The following ZDHHC11B variants were observed in gnomAD, a reference collection of about 807,000 sequenced individuals.
ZDHHC11B encodes the protein probable palmitoyltransferase ZDHHC11B.
Under a neutral mutation model 42.3 loss-of-function variants are expected in ZDHHC11B, and 17 were observed. The ratio of observed to expected loss-of-function variants is 0.40; its 90% CI spans 0.27 to 0.60. ZDHHC11B has a LOEUF of 0.60. Ranked by LOEUF, ZDHHC11B falls within the 20% of genes least tolerant of loss-of-function variation. The pLI is 0.41. For missense variants in ZDHHC11B, 262 were observed against 463.2 expected (o/e 0.57, Z 3.99); for synonymous variants, 123 against 193.5 (o/e 0.64, Z 3.02).
chr5:754,577 T>C (rs868112803), intron 6 of ZDHHC11B, among the ~76,000 whole-genome samples: 659 of 89,240 alleles, frequency 7.4e-3, no homozygotes, highest in African/African-American at 9.2e-3. Flanking sequence ...ACACCTCTCA[T>C]CTGTGAGCCT....
At chr5:712,742 T>C (rs1221033347) in intron 13 of ZDHHC11B, among the ~76,000 whole-genome samples, 2 of 151,514 alleles carry the variant, frequency 1.3e-5, no homozygotes, top group Non-Finnish European at 2.9e-5. Context: ...ACCCCGTCTC[T>C]ACTAAAAATA....
intron 1 of ZDHHC11B, among the ~76,000 whole-genome samples, chr5:776,523 C>G (rs1208958818): frequency 6.6e-6 from 1 of 151,864 alleles, no homozygotes; most frequent in Non-Finnish European, 1.5e-5. Context: ...GCTGGGCCCA[C>G]GCAGTGTGCT....
intron 4 of ZDHHC11B, among the ~76,000 whole-genome samples, chr5:762,047 C>G (rs1734696540): frequency 6.6e-6 from 1 of 150,670 alleles, no homozygotes. Context: ...ACTCACAGCC[C>G]TGGATGCCCA....
At chr5:724,707 T>C (rs1742444414) in intron 12 of ZDHHC11B, among the ~76,000 whole-genome samples, 1 of 151,016 alleles carries the variant, frequency 6.6e-6, no homozygotes, top group Non-Finnish European at 1.5e-5. Context: ...AGATGCATAC[T>C]ATTTATTCCC....
At chr5:716,327 T>A (rs1161525896) in intron 13 of ZDHHC11B, among the ~76,000 whole-genome samples, 1 of 151,418 alleles carries the variant, frequency 6.6e-6, no homozygotes, top group Non-Finnish European at 1.5e-5. Context: ...TTCCCCCTGA[T>A]TCTGAAAGTA....
At chr5:753,210 G>T (rs1171603906) in intron 6 of ZDHHC11B, among the ~76,000 whole-genome samples, 1 of 128,528 alleles carries the variant, frequency 7.8e-6, no homozygotes, top group African/African-American at 2.5e-5. Flanking sequence ...CCCCATGGGG[G>T]CTCCGCCATC....
At chr5:767,747 C>T (rs1308331303) in intron 2 of ZDHHC11B, among the ~76,000 whole-genome samples, 1 of 81,790 alleles carries the variant, frequency 1.2e-5, no homozygotes, top group Non-Finnish European at 2.6e-5. Context: ...AGGCCAAAGA[C>T]CGCAGGGAAA....
At chr5:719,637 A>G (rs1742034895) in intron 12 of ZDHHC11B, among the ~76,000 whole-genome samples, 1 of 151,432 alleles carries the variant, frequency 6.6e-6, no homozygotes, top group Admixed American at 6.6e-5. Context: ...GAAAAAAAAA[A>G]AAAGAATGAA....
intron 1 of ZDHHC11B, among the ~76,000 whole-genome samples, chr5:779,140 C>A (rs1355660364): frequency 6.6e-6 from 1 of 151,474 alleles, no homozygotes; most frequent in Non-Finnish European, 1.5e-5. Flanking sequence ...ACACAGTCGC[C>A]CTGAGGCTGG....
chr5:784,405 C>T (rs1371540393), intron 1 of ZDHHC11B, among the ~76,000 whole-genome samples: 1 of 152,046 alleles, frequency 6.6e-6, no homozygotes, highest in Non-Finnish European at 1.5e-5. Flanking sequence ...ACAGACCTGT[C>T]CCTGGCGCGG....
intron 1 of ZDHHC11B, among the ~76,000 whole-genome samples, chr5:775,844 CA>C (rs1736429796): frequency 6.6e-6 from 1 of 150,962 alleles, no homozygotes; most frequent in Non-Finnish European, 1.5e-5. Flanking sequence ...CGCTGTGTTG[CA>C]AGCTGACTGG....
chr5:745,642 C>T (rs2455344), intron 8 of ZDHHC11B, among the ~76,000 whole-genome samples: 3,345 of 148,836 alleles, frequency 0.022, 27 homozygotes, highest in East Asian at 0.14. Context: ...ACCATGCAGC[C>T]TGAGAGGTTG....
intron 1 of ZDHHC11B, among the ~76,000 whole-genome samples, chr5:773,510 C>T (rs1212206394): frequency 6.6e-6 from 1 of 151,858 alleles, no homozygotes. Flanking sequence ...GACCTGTGCC[C>T]ACCATCCCAC....
Position 732,171 on chromosome 5 carries a change from C to T in ZDHHC11B, c.1023+1581G>A, listed in dbSNP as rs183392417. The T allele has an allele frequency of 1.2e-3, 191 of 157,916 alleles. 5 individuals are homozygous for T. Among genetic ancestry groups the T allele is most frequent in the African/African-American group, 4.0e-3 (164 of 41,492 alleles). The allele number at this position is 157,916 out of a possible 1,614,324, so 9.8% of individuals were successfully genotyped here. A position where few individuals can be genotyped will look rare whatever the true frequency, so the allele number is the denominator to read the frequency against. ...ACGGACTTGGGTGTCAGTGAAGTCA[C>T]GCTCATTTTCAGACGGAATTCTCCT... On this transcript the variant is annotated intron_variant, in intron 11 of 13. Transcript: ENST00000508859.
chr5:726,886 A>C, intron 12 of ZDHHC11B, among the ~76,000 whole-genome samples: 1 of 118,698 alleles, frequency 8.4e-6, no homozygotes, highest in Non-Finnish European at 1.7e-5. Context: ...TTCTTGCCAG[A>C]AATGGATAAA....
intron 3 of ZDHHC11B, 46 bp from the exon 4 acceptor site, chr5:766,965 G>A (rs751406068): frequency 2.5e-6 from 4 of 1,592,738 alleles, no homozygotes; most frequent in Non-Finnish European, 3.4e-6. Context: ...GCTCCGGGGA[G>A]GGCCGGCCCC....
At chr5:719,091 C>G (rs1384454730) in intron 12 of ZDHHC11B, among the ~76,000 whole-genome samples, 2 of 151,788 alleles carry the variant, frequency 1.3e-5, no homozygotes, top group Non-Finnish European at 2.9e-5. Context: ...AAAGGAAGAG[C>G]AACTTCAGTG....
At chr5:728,646 C>T (rs1259020947) in intron 12 of ZDHHC11B, among the ~76,000 whole-genome samples, 1 of 152,006 alleles carries the variant, frequency 6.6e-6, no homozygotes, top group Non-Finnish European at 1.5e-5. Flanking sequence ...CCTATACTAT[C>T]ATCTTCAAAC....
At chr5:720,732 C>T (rs1181568817) in intron 12 of ZDHHC11B, among the ~76,000 whole-genome samples, 2 of 151,544 alleles carry the variant, frequency 1.3e-5, no homozygotes, top group Non-Finnish European at 2.9e-5. Context: ...AATGGGTGCA[C>T]ACTGTATAAA....
Sources: allele counts gnomAD v4.1 joint callset (sites outside exome capture counted in the v4.1 genomes callset), GRCh38; gene constraint gnomAD v4.1.1; transcripts MANE v1.5; gene names NCBI Gene and HGNC (gene_info 2026-07-23, HGNC 2026-07-21).